Variants in KSR2 observed in about 807,000 individuals in gnomAD.
The protein encoded by KSR2 is kinase suppressor of ras 2.
Under a neutral mutation model 107.8 loss-of-function variants are expected in KSR2, and 25 were observed. The ratio of observed to expected loss-of-function variants is 0.23; its 90% confidence interval spans 0.17 to 0.32. KSR2 has a LOEUF of 0.32. Ranked by LOEUF, KSR2 falls within the 10% of genes least tolerant of loss-of-function variation. The probability of loss-of-function intolerance (pLI) is 1.00; values close to 1 mark genes in which losing one functional copy is unlikely to be tolerated. For missense variants in KSR2, 887 were observed against 1,268.9 expected (o/e 0.70, Z 4.57); for synonymous variants, 480 against 507.0 (o/e 0.95, Z 0.71).
At chr12:117,767,219 C>T (rs2136896378) in intron 3 of KSR2, among the ~76,000 whole-genome samples, 1 of 150,206 alleles carries the variant, frequency 6.7e-6, no homozygotes, top group East Asian at 2.0e-4. Context: ...CGAGACCATC[C>T]TGGCTAACAC....
chr12:117,549,739 A>G (rs1209253570), intron 9 of KSR2, among the ~76,000 whole-genome samples: 1 of 152,184 alleles, frequency 6.6e-6, no homozygotes, highest in Non-Finnish European at 1.5e-5. Flanking sequence ...TGCAAAACTA[A>G]GCACAGAAAC....
At chr12:117,794,779 G>C (rs1890562275) in intron 3 of KSR2, among the ~76,000 whole-genome samples, 2 of 152,074 alleles carry the variant, frequency 1.3e-5, no homozygotes, top group Admixed American at 6.6e-5. Flanking sequence ...CACACACACA[G>C]AATAGTCACT....
chr12:117,761,210 G>C lies in KSR2; in HGVS notation c.787C>G (p.Arg263Gly). 6.4e-7 allele frequency: 1 copy of C among 1,565,662 alleles called. No individual in the cohort carries two copies. The highest frequency in any genetic ancestry group is 8.7e-7 in the Non-Finnish European group (1 of 1,155,180). Residue 263 changes from arginine (R) to glycine (G), a missense_variant, in exon 4 of 20, where the codon CGC becomes GGC. Transcript: ENST00000339824. ...RQRHAVRTPP[R>G]TPNIVTTVTP... ...ACGGTGGTGACGATGTTGGGGGTGCGCGGCGGGGTGCGGACCGCGTGCCGC... is the reference window on the plus strand; with the variant it reads ...ACGGTGGTGACGATGTTGGGGGTGCCCGGCGGGGTGCGGACCGCGTGCCGC...
chr12:117,840,552 T>C (rs1387580116), intron 3 of KSR2, among the ~76,000 whole-genome samples: 6 of 152,068 alleles, frequency 3.9e-5, no homozygotes, highest in African/African-American at 1.4e-4. Flanking sequence ...TGCACCACCA[T>C]GCCCAGCCAA....
At chr12:117,942,337 C>T (rs187967716) in intron 1 of KSR2, among the ~76,000 whole-genome samples, 4 of 152,110 alleles carry the variant, frequency 2.6e-5, no homozygotes, top group African/African-American at 7.2e-5. Flanking sequence ...TTCCTTCTAT[C>T]GAGCTATATT....
chr12:117,527,170 T>C, intron 12 of KSR2, 51 bp from the exon 13 acceptor site: 1 of 1,365,204 alleles, frequency 7.3e-7, no homozygotes, highest in Non-Finnish European at 1.0e-6. Context: ...GGCAGGTCTA[T>C]ATATTGAGTT....
At chr12:117,831,014 T>C (rs1891942425) in intron 3 of KSR2, among the ~76,000 whole-genome samples, 1 of 152,090 alleles carries the variant, frequency 6.6e-6, no homozygotes, top group Non-Finnish European at 1.5e-5. Context: ...TGTCCCCAGA[T>C]CCAACTTCCT....
chr12:117,697,427 C>G (rs1197766233), intron 4 of KSR2, among the ~76,000 whole-genome samples: 1 of 152,122 alleles, frequency 6.6e-6, no homozygotes, highest in Non-Finnish European at 1.5e-5. Context: ...TATGCATTTT[C>G]TACGTATATG....
chr12:117,824,933 A>C (rs1891689199), intron 3 of KSR2, among the ~76,000 whole-genome samples: 1 of 151,652 alleles, frequency 6.6e-6, no homozygotes, highest in Non-Finnish European at 1.5e-5. Flanking sequence ...TAATCCTAGC[A>C]CTTTGGGAGG....
intron 4 of KSR2, among the ~76,000 whole-genome samples, chr12:117,743,146 A>G (rs1286985293): frequency 6.6e-6 from 1 of 152,218 alleles, no homozygotes; most frequent in Non-Finnish European, 1.5e-5. Context: ...GCCAATCACC[A>G]TCCATCTTAA....
chr12:117,540,046 C>G (rs774334278), intron 9 of KSR2, among the ~76,000 whole-genome samples, 159 bp from the exon 10 acceptor site: 1 of 152,118 alleles, frequency 6.6e-6, no homozygotes, highest in Non-Finnish European at 1.5e-5. Flanking sequence ...CCCGCTTCAT[C>G]AGCCCCATTG....
chr12:117,586,171 A>T (rs1300824747), intron 5 of KSR2, among the ~76,000 whole-genome samples: 1 of 152,204 alleles, frequency 6.6e-6, no homozygotes, highest in Non-Finnish European at 1.5e-5. Flanking sequence ...GTGAATTTGA[A>T]AGCTCCCTGA....
intron 1 of KSR2, among the ~76,000 whole-genome samples, chr12:117,887,850 C>T (rs556258920): frequency 2.0e-4 from 31 of 152,160 alleles, no homozygotes; most frequent in Non-Finnish European, 4.3e-4. Context: ...GGCCACCCCT[C>T]ATATCCCACT....
chr12:117,936,276 C>T (rs977630948), intron 1 of KSR2, among the ~76,000 whole-genome samples: 1 of 151,920 alleles, frequency 6.6e-6, no homozygotes, highest in Non-Finnish European at 1.5e-5. Context: ...GATCTGCCTG[C>T]CTTGACCTCC....
chr12:117,569,270 A>C (rs1309629034), intron 7 of KSR2, among the ~76,000 whole-genome samples: 1 of 152,218 alleles, frequency 6.6e-6, no homozygotes, highest in African/African-American at 2.4e-5. Context: ...TGACATTTTC[A>C]CTTGGATTTT....
chr12:117,664,315 G>A lies in KSR2; in HGVS notation c.1171+3159C>T, dbSNP rs558214060. Among the ~76,000 whole-genome samples, 5 of 152,268 alleles carry A rather than the reference G, an allele frequency of 3.3e-5. No homozygotes were observed. In the East Asian group the frequency reaches 7.8e-4, roughly 24 times the overall value. On this transcript the variant is annotated intron_variant, in intron 5 of 19. Coordinates refer to ENST00000339824, the MANE Select transcript of KSR2 (RefSeq NM_173598.6). Reference sequence around the variant, plus strand: ...CTGTCCCCAGGCGTTACCATCATGGGGTAACAAGATGACGTGTCACCACCC... The same window carrying A: ...CTGTCCCCAGGCGTTACCATCATGGAGTAACAAGATGACGTGTCACCACCC...
intron 3 of KSR2, 75 bp from the exon 4 acceptor site, chr12:117,761,599 T>C (rs1235790415): frequency 7.3e-7 from 1 of 1,368,190 alleles, no homozygotes; most frequent in Non-Finnish European, 1.0e-6. Flanking sequence ...TACACACCAT[T>C]ACATCATACA....
chr12:117,743,430 A>G (rs984127395), intron 4 of KSR2, among the ~76,000 whole-genome samples: 1 of 152,234 alleles, frequency 6.6e-6, no homozygotes, highest in Non-Finnish European at 1.5e-5. Context: ...AATGGAGAGA[A>G]GTGGAGAGAA....
At chr12:117,712,999 A>G (rs1886844667) in intron 4 of KSR2, among the ~76,000 whole-genome samples, 1 of 151,024 alleles carries the variant, frequency 6.6e-6, no homozygotes, top group African/African-American at 2.4e-5. Flanking sequence ...AGATATAGAT[A>G]CAGATGTATC....
Sources: allele counts gnomAD v4.1 joint callset (sites outside exome capture counted in the v4.1 genomes callset), GRCh38; gene constraint gnomAD v4.1.1; transcripts MANE v1.5; gene names NCBI Gene and HGNC (gene_info 2026-07-23, HGNC 2026-07-21).